Variants in SPATS2 observed in about 807,000 individuals in gnomAD.
SPATS2 encodes spermatogenesis associated serine rich 2.
Under a neutral mutation model 63.7 loss-of-function variants are expected in SPATS2, and 38 were observed. That is an observed-to-expected ratio of 0.60 (90% CI 0.46 to 0.78). The LOEUF (loss-of-function observed/expected upper bound fraction) is 0.78, where lower values mean the gene tolerates loss of function less well. SPATS2 is among the 30% of genes least tolerant of loss of function. The pLI is 0.00. For missense variants in SPATS2, 588 were observed against 666.2 expected (o/e 0.88, Z 1.29); for synonymous variants, 207 against 232.9 (o/e 0.89, Z 1.01).
intron 2 of SPATS2, among the ~76,000 whole-genome samples, chr12:49,380,581 C>CTGTAATCCCA: frequency 6.6e-6 from 1 of 152,176 alleles, no homozygotes; most frequent in South Asian, 2.1e-4. Flanking sequence ...TGGCGTGCGC[C>CTGTAATCCCA]TGTAATCCCA....
chr12:49,443,256 G>T lies in SPATS2; in HGVS notation c.-243-17514G>T, dbSNP rs367714386. 4.6e-5 allele frequency among the ~76,000 whole-genome samples: 7 copies of T among 152,308 alleles called. 1 individual carries two copies. In the South Asian group the frequency reaches 1.4e-3, roughly 32 times the overall value. ...TCTACTTTCATTGCTTTTGCATTTTGAGCTAATTTTTTATGTGGTAGTGTA... is the reference window on the plus strand; with the variant it reads ...TCTACTTTCATTGCTTTTGCATTTTTAGCTAATTTTTTATGTGGTAGTGTA... On this transcript the variant is annotated intron_variant, in intron 2 of 13. Transcript: ENST00000552918.
intron 2 of SPATS2, among the ~76,000 whole-genome samples, chr12:49,384,241 C>T (rs534287248): frequency 1.3e-5 from 2 of 152,270 alleles, no homozygotes; most frequent in African/African-American, 2.4e-5. Context: ...GCTGGGATTA[C>T]GGCATGAGCC....
intron 2 of SPATS2, among the ~76,000 whole-genome samples, chr12:49,446,098 T>TTC (rs1032649255): frequency 1.3e-5 from 2 of 151,926 alleles, no homozygotes; most frequent in Non-Finnish European, 2.9e-5. Context: ...GAGATGGGGT[T>TTC]TCACCATGTT....
intron 2 of SPATS2, among the ~76,000 whole-genome samples, chr12:49,385,392 CAGAGACAGAGAT>C (rs1466701953): frequency 1.8e-5 from 2 of 108,820 alleles, no homozygotes; most frequent in Non-Finnish European, 1.9e-5. Flanking sequence ...GTGTGTGTGG[CAGAGACAGAGAT>C]AGAGACAGAG....
chr12:49,432,467 G>A (rs984759122), intron 2 of SPATS2, among the ~76,000 whole-genome samples: 14 of 152,134 alleles, frequency 9.2e-5, no homozygotes, highest in African/African-American at 2.4e-4. Context: ...GTGAGACTCC[G>A]TCTCAAAATA....
rs190569845 is a variant in SPATS2, at chr12:49,523,680, G to A, written c.1111+827G>A. Reference sequence around the variant, plus strand: ...ATAAAAGTGAAATATTGCCAGGCGCGGTGGCTCATGCCTGTAATCCCAGCA... The same window carrying A: ...ATAAAAGTGAAATATTGCCAGGCGCAGTGGCTCATGCCTGTAATCCCAGCA... On this transcript the variant is annotated intron_variant, in intron 12 of 13. Coordinates refer to ENST00000552918, the MANE Select transcript of SPATS2 (RefSeq NM_023071.4). Among the ~76,000 whole-genome samples, 538 of 152,236 alleles carry A rather than the reference G, an allele frequency of 3.5e-3. 11 individuals are homozygous for A. The highest frequency in any genetic ancestry group is 9.0e-4 in the Non-Finnish European group (61 of 68,016).
intron 2 of SPATS2, among the ~76,000 whole-genome samples, chr12:49,416,386 AC>A (rs1196170547): frequency 6.6e-6 from 1 of 152,142 alleles, no homozygotes; most frequent in African/African-American, 2.4e-5. Context: ...CATCTCTCTA[AC>A]CCTGTGAGGC....
intron 2 of SPATS2, among the ~76,000 whole-genome samples, chr12:49,413,101 C>T (rs1944826582): frequency 1.3e-5 from 2 of 152,130 alleles, no homozygotes; most frequent in African/African-American, 2.4e-5. Flanking sequence ...AACAAAACAA[C>T]TCCAAACTTA....
intron 9 of SPATS2, among the ~76,000 whole-genome samples, chr12:49,507,912 TTGC>T (rs1946680031): frequency 6.6e-6 from 1 of 152,240 alleles, no homozygotes; most frequent in South Asian, 2.1e-4. Context: ...AAAATAATAA[TTGC>T]TGCCGCTATT....
intron 3 of SPATS2, among the ~76,000 whole-genome samples, chr12:49,480,559 G>A (rs1029107090): frequency 1.3e-5 from 2 of 152,118 alleles, no homozygotes; most frequent in Non-Finnish European, 2.9e-5. Flanking sequence ...GTATCCTAGT[G>A]TATCTCAACG....
At position 49,436,057 on chromosome 12, in the gene SPATS2, T is replaced by G. The variant is rs77649480; in HGVS notation, c.-243-24713T>G. Among the ~76,000 whole-genome samples the G allele has an allele frequency of 5.3e-4, 80 of 151,140 alleles. 1 individual carries two copies. Among genetic ancestry groups the G allele is most frequent in the Non-Finnish European group, 8.7e-4 (59 of 67,612 alleles). On this transcript the variant is annotated intron_variant, in intron 2 of 13. Coordinates refer to ENST00000552918, the MANE Select transcript of SPATS2 (RefSeq NM_023071.4). ...ATGTCTACCTCTTTCTACACAGACA[T>G]GGCAACCATCCGATTTCTCAATCTT...
chr12:49,389,600 C>G, intron 2 of SPATS2: 2 of 1,095,734 alleles, frequency 1.8e-6, no homozygotes, highest in Non-Finnish European at 2.8e-6. Context: ...AGCAGAAACT[C>G]TGATTGAGCA....
intron 8 of SPATS2, among the ~76,000 whole-genome samples, chr12:49,498,805 T>C (rs1946512043): frequency 6.6e-6 from 1 of 150,766 alleles, no homozygotes; most frequent in Non-Finnish European, 1.5e-5. Context: ...TTTTTTTTTT[T>C]TTTTTGAGAT....
intron 2 of SPATS2, among the ~76,000 whole-genome samples, chr12:49,424,524 T>C (rs1237633017): frequency 6.6e-6 from 1 of 152,188 alleles, no homozygotes; most frequent in Non-Finnish European, 1.5e-5. Context: ...TCTAGTAGAT[T>C]GTATTAGTTT....
At chr12:49,516,351 C>A (rs1316722651) in intron 10 of SPATS2, among the ~76,000 whole-genome samples, 3 of 132,586 alleles carry the variant, frequency 2.3e-5, no homozygotes, top group Admixed American at 7.0e-5. Context: ...TAGAGCAAGA[C>A]CCTGTCTTGA....
intron 4 of SPATS2, among the ~76,000 whole-genome samples, chr12:49,488,374 C>T (rs907082340): frequency 6.6e-6 from 1 of 151,838 alleles, no homozygotes; most frequent in African/African-American, 2.4e-5. Flanking sequence ...ATATGAAATA[C>T]AGGCCAGGTG....
intron 2 of SPATS2, among the ~76,000 whole-genome samples, chr12:49,414,881 G>A: frequency 6.6e-6 from 1 of 151,356 alleles, no homozygotes; most frequent in Non-Finnish European, 1.5e-5. Context: ...TTTTAGGCAT[G>A]AGCCACTGTG....
At chr12:49,405,388 C>T (rs1207810022) in intron 2 of SPATS2, among the ~76,000 whole-genome samples, 1 of 152,090 alleles carries the variant, frequency 6.6e-6, no homozygotes, top group Admixed American at 6.6e-5. Flanking sequence ...GTTCATATGT[C>T]CATCTCTCAA....
intron 2 of SPATS2, among the ~76,000 whole-genome samples, chr12:49,435,620 C>T (rs1473742769): frequency 6.6e-6 from 1 of 151,020 alleles, no homozygotes; most frequent in Non-Finnish European, 1.5e-5. Flanking sequence ...GCCACCGTGC[C>T]CGGCTACTGA....
Sources: gnomAD v4.1 joint callset for allele counts (sites outside exome capture counted in the v4.1 genomes callset) on GRCh38, gnomAD v4.1.1 for gene constraint, MANE v1.5 for transcripts, NCBI Gene and HGNC (gene_info 2026-07-23, HGNC 2026-07-21) for gene names.